The following CNTNAP2 variants were observed in gnomAD, a reference collection of about 807,000 sequenced individuals.
CNTNAP2 encodes the protein contactin-associated protein-like 2.
Under a neutral mutation model 155.2 loss-of-function variants are expected in CNTNAP2, and 98 were observed. That is an observed-to-expected ratio of 0.63 (90% CI 0.54 to 0.75). The LOEUF (loss-of-function observed/expected upper bound fraction) is 0.75. Among genes scored for constraint, CNTNAP2 ranks in the 30% least tolerant of loss-of-function variants. The pLI is 0.00. For missense variants in CNTNAP2, 1,727 were observed against 1,688.1 expected, an observed-to-expected ratio of 1.02 and a Z score of -0.40; for synonymous variants, 651 against 631.2, an observed-to-expected ratio of 1.03 and a Z score of -0.47.
At chr7:146,359,572 GGA>G (rs1317714280) in intron 1 of CNTNAP2, among the ~76,000 whole-genome samples, 1 of 152,124 alleles carries the variant, frequency 6.6e-6, no homozygotes, top group East Asian at 1.9e-4. Flanking sequence ...ATGTTATTAT[GGA>G]TATAGGGCTT....
intron 8 of CNTNAP2, among the ~76,000 whole-genome samples, chr7:147,238,417 A>G (rs1374800166): frequency 6.6e-6 from 1 of 152,012 alleles, no homozygotes; most frequent in Non-Finnish European, 1.5e-5. Flanking sequence ...ACACACACAC[A>G]CACACACACA....
chr7:147,313,988 A>T (rs1795177260), intron 9 of CNTNAP2, among the ~76,000 whole-genome samples: 1 of 151,900 alleles, frequency 6.6e-6, no homozygotes, highest in African/African-American at 2.4e-5. Flanking sequence ...CGTCCCTTGT[A>T]AGTTGGATTC....
In CNTNAP2 at chr7:148,245,680, C is replaced by A. The variant is rs150983919; in HGVS notation, c.3381+15901C>A. Among the ~76,000 whole-genome samples the A allele has an allele frequency of 2.0e-3, 311 of 152,250 alleles. 3 individuals are homozygous for A. The highest frequency in any genetic ancestry group is 3.5e-3 in the Non-Finnish European group (236 of 68,026). ...GTCTGCAGACTCCCCCAAGCTTTCTCTCGAGTAGATTTGAACACACAATCC... is the reference window on the plus strand; with the variant it reads ...GTCTGCAGACTCCCCCAAGCTTTCTATCGAGTAGATTTGAACACACAATCC... On this transcript the variant is annotated intron_variant, in intron 20 of 23. Transcript: ENST00000361727.
intron 3 of CNTNAP2, among the ~76,000 whole-genome samples, chr7:147,021,881 G>T (rs1391055440): frequency 2.2e-5 from 3 of 138,032 alleles, no homozygotes; most frequent in Non-Finnish European, 4.6e-5. Flanking sequence ...GAGGGTTAAA[G>T]ATAGAACACT....
At chr7:147,340,680 T>C (rs1318922388) in intron 9 of CNTNAP2, among the ~76,000 whole-genome samples, 1 of 152,194 alleles carries the variant, frequency 6.6e-6, no homozygotes, top group East Asian at 1.9e-4. Context: ...AGTGACATAT[T>C]CTGTCATTGT....
At chr7:148,166,992 C>T (rs1281794085) in intron 17 of CNTNAP2, among the ~76,000 whole-genome samples, 2 of 152,156 alleles carry the variant, frequency 1.3e-5, no homozygotes, top group Non-Finnish European at 2.9e-5. Context: ...AGGAAAAGTA[C>T]CTTCTAGCTC....
chr7:147,361,399 A>T (rs1365229816), intron 9 of CNTNAP2, among the ~76,000 whole-genome samples: 2 of 152,224 alleles, frequency 1.3e-5, no homozygotes, highest in Non-Finnish European at 2.9e-5. Context: ...ATGTTCCATT[A>T]TTCGATCTGT....
chr7:146,639,884 A>C (rs901422174), intron 1 of CNTNAP2, among the ~76,000 whole-genome samples: 1 of 152,228 alleles, frequency 6.6e-6, no homozygotes, highest in Non-Finnish European at 1.5e-5. Context: ...AAGAAGAGGG[A>C]AGGCAGTCTG....
intron 8 of CNTNAP2, among the ~76,000 whole-genome samples, chr7:147,145,937 G>T (rs1801693033): frequency 6.6e-6 from 1 of 152,094 alleles, no homozygotes; most frequent in African/African-American, 2.4e-5. Context: ...CAGATGTCAA[G>T]CTCTATTTTT....
intron 13 of CNTNAP2, among the ~76,000 whole-genome samples, chr7:147,728,984 T>C (rs1466050330): frequency 6.7e-6 from 1 of 149,212 alleles, no homozygotes; most frequent in Non-Finnish European, 1.5e-5. Flanking sequence ...GAAAATTATA[T>C]GTATAATATA....
chr7:146,878,800 T>C (rs1795481212), intron 3 of CNTNAP2, among the ~76,000 whole-genome samples: 1 of 152,148 alleles, frequency 6.6e-6, no homozygotes, highest in Non-Finnish European at 1.5e-5. Flanking sequence ...GCCGATCTTC[T>C]TACGCTTTCT....
At chr7:146,721,546 A>C (rs1306944864) in intron 1 of CNTNAP2, among the ~76,000 whole-genome samples, 1 of 123,536 alleles carries the variant, frequency 8.1e-6, no homozygotes, top group Admixed American at 8.5e-5. Context: ...CATTCTATAT[A>C]TATTCTATAT....
At chr7:147,770,101 A>G (rs1208130781) in intron 13 of CNTNAP2, among the ~76,000 whole-genome samples, 1 of 152,158 alleles carries the variant, frequency 6.6e-6, no homozygotes, top group Non-Finnish European at 1.5e-5. Flanking sequence ...TCAAATTCTC[A>G]TTGAGGTCAA....
At chr7:146,256,996 T>G (rs937967465) in intron 1 of CNTNAP2, among the ~76,000 whole-genome samples, 2 of 152,234 alleles carry the variant, frequency 1.3e-5, no homozygotes, top group Non-Finnish European at 2.9e-5. Context: ...CCACAATGTT[T>G]CAAAGCATAC....
At chr7:146,742,637 T>C (rs965140590) in intron 1 of CNTNAP2, among the ~76,000 whole-genome samples, 7 of 152,022 alleles carry the variant, frequency 4.6e-5, no homozygotes, top group East Asian at 1.9e-4. Flanking sequence ...TAAGTATGAA[T>C]TGATTTCAGA....
Position 148,398,146 on chromosome 7 carries a change from G to GC in CNTNAP2, c.3716-11239dup, listed in dbSNP as rs574916446. ...TTAAAAGCACTTTAGGTTTGCCCATGCCCCCCTTCTAACCGCACAGTGGAG... is the reference window on the plus strand; with the variant it reads ...TTAAAAGCACTTTAGGTTTGCCCATGCCCCCCCTTCTAACCGCACAGTGGAG... On this transcript the variant is annotated intron_variant, in intron 22 of 23. Coordinates refer to ENST00000361727, the MANE Select transcript of CNTNAP2 (RefSeq NM_014141.6). Among the ~76,000 whole-genome samples, 809 of 152,302 alleles carry GC rather than the reference G, an allele frequency of 5.3e-3. 7 individuals are homozygous for GC. The highest frequency in any genetic ancestry group is 0.018 in the African/African-American group (738 of 41,554).
In CNTNAP2 at chr7:148,416,888, C is replaced by G. The variant is rs1054095520; in HGVS notation, c.*1272C>G. 2 of 152,504 alleles carry G rather than the reference C, an allele frequency of 1.3e-5. No individual in the cohort carries two copies. The highest frequency in any genetic ancestry group is 4.8e-5 in the African/African-American group (2 of 41,398). 9.4% of individuals were successfully genotyped at this position (152,504 alleles called of 1,614,324 possible). On this transcript the variant is annotated 3_prime_UTR_variant, in exon 24 of 24. Coordinates refer to ENST00000361727, the MANE Select transcript of CNTNAP2 (RefSeq NM_014141.6). ...TGGAGAAGTGTAGTTAATCACACCT[C>G]TTAGTTTAATCTGAAATCTTGACCC...
At chr7:147,427,273 A>G (rs532814380) in intron 10 of CNTNAP2, among the ~76,000 whole-genome samples, 34 of 152,242 alleles carry the variant, frequency 2.2e-4, no homozygotes, top group African/African-American at 8.2e-4. Context: ...ATACAGTTGC[A>G]TTGGGGATTA....
chr7:147,629,759 T>C (rs1055676721), intron 12 of CNTNAP2, among the ~76,000 whole-genome samples: 2 of 151,884 alleles, frequency 1.3e-5, no homozygotes, highest in African/African-American at 2.4e-5. Flanking sequence ...AAAGATAAAA[T>C]TTAAAAATTG....
Sources: gnomAD v4.1 joint callset for allele counts (sites outside exome capture counted in the v4.1 genomes callset) on GRCh38, gnomAD v4.1.1 for gene constraint, MANE v1.5 for transcripts, NCBI Gene and HGNC (gene_info 2026-07-23, HGNC 2026-07-21) for gene names.